Variants in SLC24A3 observed in about 807,000 individuals in gnomAD.
SLC24A3 encodes the protein sodium/potassium/calcium exchanger 3.
In SLC24A3, 28 loss-of-function variants were observed where a neutral mutation model predicts 75.8. The ratio of observed to expected loss-of-function variants is 0.37; its 90% CI spans 0.27 to 0.51. SLC24A3 has a LOEUF of 0.51. Among genes scored for constraint, SLC24A3 ranks in the 20% least tolerant of loss-of-function variants. The pLI is 0.94. For synonymous variants in SLC24A3, 372 were observed against 334.1 expected (o/e 1.11, Z -1.24); for missense variants, 663 against 847.8 (o/e 0.78, Z 2.71).
At chr20:19,479,792 A>G (rs1456424279) in intron 2 of SLC24A3, among the ~76,000 whole-genome samples, 1 of 152,200 alleles carries the variant, frequency 6.6e-6, no homozygotes, top group Non-Finnish European at 1.5e-5. Flanking sequence ...ATTGTCCCAC[A>G]TGTTGGATGA....
chr20:19,367,485 C>T (rs1047646731), intron 2 of SLC24A3, among the ~76,000 whole-genome samples: 1 of 118,920 alleles, frequency 8.4e-6, no homozygotes, highest in Non-Finnish European at 1.7e-5. Context: ...AAAAAGAAGC[C>T]CTGCCTTTTT....
chr20:19,687,094 G>A (rs556409958), intron 12 of SLC24A3, among the ~76,000 whole-genome samples: 1 of 152,324 alleles, frequency 6.6e-6, no homozygotes, highest in South Asian at 2.1e-4. Flanking sequence ...CAGTTCTGTA[G>A]GTCAGAAGTC....
chr20:19,584,947 T>A, intron 4 of SLC24A3, 24 bp from the exon 5 acceptor site: 1 of 1,604,302 alleles, frequency 6.2e-7, no homozygotes, highest in Non-Finnish European at 8.5e-7. Flanking sequence ...AACTCACCTG[T>A]GCTTTGTCTT....
At chr20:19,522,008 A>G (rs114416721) in intron 3 of SLC24A3, among the ~76,000 whole-genome samples, 249 of 152,212 alleles carry the variant, frequency 1.6e-3, no homozygotes, top group African/African-American at 5.9e-3. Flanking sequence ...ATCAGTGTCT[A>G]GCAGACCTTC....
At chr20:19,629,240 G>A (rs2031905692) in intron 6 of SLC24A3, among the ~76,000 whole-genome samples, 1 of 151,856 alleles carries the variant, frequency 6.6e-6, no homozygotes, top group Non-Finnish European at 1.5e-5. Flanking sequence ...GAAAATCTAG[G>A]GCTAAAGAAC....
At chr20:19,268,784 G>T (rs555116472) in intron 1 of SLC24A3, among the ~76,000 whole-genome samples, 1 of 152,294 alleles carries the variant, frequency 6.6e-6, no homozygotes, top group South Asian at 2.1e-4. Context: ...CATTCTTTTG[G>T]CTAAAAGGGG....
chr20:19,292,232 A>T (rs1320202368), intron 2 of SLC24A3, among the ~76,000 whole-genome samples: 1 of 152,090 alleles, frequency 6.6e-6, no homozygotes, highest in African/African-American at 2.4e-5. Context: ...GTGGATGCCC[A>T]TTTTCCAAGC....
chr20:19,579,638 C>T (rs1386750811), intron 3 of SLC24A3, among the ~76,000 whole-genome samples: 4 of 152,018 alleles, frequency 2.6e-5, no homozygotes, highest in Admixed American at 6.6e-5. Context: ...GAAATGGGAG[C>T]GGGGGAAAGA....
chr20:19,236,078 T>G (rs867096625), intron 1 of SLC24A3, among the ~76,000 whole-genome samples: 7 of 152,260 alleles, frequency 4.6e-5, no homozygotes, highest in African/African-American at 1.7e-4. Flanking sequence ...CTTTTCTGTT[T>G]TTGAATTTAT....
chr20:19,696,833 G>A lies in SLC24A3; in HGVS notation c.1528G>A (p.Val510Ile), dbSNP rs148354103. ...IIGYTLGIPDVIMGITFLAAG... is the reference protein window; with the variant it reads ...IIGYTLGIPDIIMGITFLAAG... Reference sequence around the variant, plus strand: ...TGGTTACACCCTGGGGATTCCTGACGTCATCATGGGGATCACCTTCCTGGC... The same window carrying A: ...TGGTTACACCCTGGGGATTCCTGACATCATCATGGGGATCACCTTCCTGGC... The change falls in exon 14 of 17, where the codon GTC becomes ATC. Residue 510 changes from valine to isoleucine, a missense_variant. Physicochemically the swap from Val to Ile is conservative, Grantham distance 29. Transcript: ENST00000328041. 3.2e-5 allele frequency: 51 copies of A among 1,614,038 alleles called. No individual in the cohort carries two copies. The highest frequency in any genetic ancestry group is 2.2e-4 in the Admixed American group (13 of 60,016).
In SLC24A3 at chr20:19,441,830, A is replaced by G. The variant is rs73290503; in HGVS notation, c.272-73658A>G. 5.8e-3 allele frequency among the ~76,000 whole-genome samples: 884 copies of G among 152,076 alleles called. 11 individuals are homozygous for G. Among genetic ancestry groups the G allele is most frequent in the African/African-American group, 0.02 (838 of 41,472 alleles). On this transcript the variant is annotated intron_variant, in intron 2 of 16. Coordinates refer to ENST00000328041, the MANE Select transcript of SLC24A3 (RefSeq NM_020689.4). ...AAAATCCTCAGTGCTCTGCTAATCCATCCCTCCCTCTCACTGACCCCTGGA... is the reference window on the plus strand; with the variant it reads ...AAAATCCTCAGTGCTCTGCTAATCCGTCCCTCCCTCTCACTGACCCCTGGA...
chr20:19,691,005 T>A (rs1398581994), intron 12 of SLC24A3, among the ~76,000 whole-genome samples: 5 of 152,192 alleles, frequency 3.3e-5, no homozygotes, highest in Admixed American at 3.3e-4. Flanking sequence ...TTACTGATAT[T>A]TACTGAAAAT....
Position 19,526,066 on chromosome 20 carries a change from G to A in SLC24A3, c.348+10502G>A, listed in dbSNP as rs541559892. Among the ~76,000 whole-genome samples the A allele has an allele frequency of 8.5e-5, 13 of 152,190 alleles. No homozygotes were observed. In the East Asian group the frequency reaches 2.5e-3, roughly 30 times the overall value. ...CACCTGGAATGGTCACACCCTCCGCGGGTGTGCTGTGTCACCCCACTGCCA... is the reference window on the plus strand; with the variant it reads ...CACCTGGAATGGTCACACCCTCCGCAGGTGTGCTGTGTCACCCCACTGCCA... On this transcript the variant is annotated intron_variant, in intron 3 of 16. Transcript: ENST00000328041.
At chr20:19,246,676 A>G (rs1328428240) in intron 1 of SLC24A3, among the ~76,000 whole-genome samples, 1 of 152,198 alleles carries the variant, frequency 6.6e-6, no homozygotes, top group Admixed American at 6.5e-5. Flanking sequence ...TATCTCATGA[A>G]CAGATAAAAA....
intron 2 of SLC24A3, among the ~76,000 whole-genome samples, chr20:19,398,237 G>A (rs538759655): frequency 6.6e-6 from 1 of 152,094 alleles, no homozygotes; most frequent in Non-Finnish European, 1.5e-5. Flanking sequence ...TTTTGATTGG[G>A]ATTGTGTTGA....
chr20:19,631,583 G>A (rs1018053925), intron 6 of SLC24A3, among the ~76,000 whole-genome samples: 11 of 152,142 alleles, frequency 7.2e-5, no homozygotes, highest in East Asian at 5.8e-4. Context: ...TCATGGTCAC[G>A]TGGCTGACTG....
intron 3 of SLC24A3, among the ~76,000 whole-genome samples, chr20:19,576,817 G>T (rs542635761): frequency 6.6e-6 from 1 of 152,272 alleles, no homozygotes; most frequent in South Asian, 2.1e-4. Context: ...GTTTCAGTGA[G>T]TTGAATATGT....
At position 19,269,903 on chromosome 20, in the gene SLC24A3, A is replaced by G. The variant is rs184087571; in HGVS notation, c.143-11056A>G. 3.9e-5 allele frequency among the ~76,000 whole-genome samples: 6 copies of G among 152,346 alleles called. No homozygotes were observed. The East Asian group carries it at 1.2e-3, about 29-fold the overall frequency. On this transcript the variant is annotated intron_variant, in intron 1 of 16. Transcript: ENST00000328041. ...AGGTCTACAGAGTTATTGCATGAAG[A>G]GAAGAACATCCTGCATGCATACCTT...
chr20:19,629,100 A>G (rs1209496995), intron 6 of SLC24A3, among the ~76,000 whole-genome samples: 1 of 152,150 alleles, frequency 6.6e-6, no homozygotes, highest in Non-Finnish European at 1.5e-5. Flanking sequence ...ATTAAGAATA[A>G]CCATCATAAA....
Sources: gnomAD v4.1 joint callset for allele counts (sites outside exome capture counted in the v4.1 genomes callset) on GRCh38, gnomAD v4.1.1 for gene constraint, MANE v1.5 for transcripts, NCBI Gene and HGNC (gene_info 2026-07-23, HGNC 2026-07-21) for gene names.